Variants in AGBL4 observed in about 807,000 individuals in gnomAD.
AGBL4 encodes AGBL carboxypeptidase 4, also known as cytosolic carboxypeptidase 6.
A neutral mutation model predicts 66.4 loss-of-function variants in AGBL4; 58 were observed. That is an observed-to-expected ratio of 0.87 (90% CI 0.71 to 1.09). AGBL4 has a LOEUF of 1.09. Ranked by LOEUF, AGBL4 falls within the 50% of genes least tolerant of loss-of-function variation. AGBL4 has a pLI of 0.00. For missense variants in AGBL4, 579 were observed against 631.0 expected, an observed-to-expected ratio of 0.92 and a Z score of 0.88; for synonymous variants, 234 against 222.9, an observed-to-expected ratio of 1.05 and a Z score of -0.44.
chr1:48,582,858 C>T (rs1644760649), intron 11 of AGBL4, among the ~76,000 whole-genome samples: 1 of 152,108 alleles, frequency 6.6e-6, no homozygotes, highest in Admixed American at 6.6e-5. Flanking sequence ...AGAGCAAAAC[C>T]CTGGTCATGT....
intron 6 of AGBL4, among the ~76,000 whole-genome samples, chr1:48,693,643 C>T (rs541472063): frequency 6.6e-6 from 1 of 152,198 alleles, no homozygotes; most frequent in Non-Finnish European, 1.5e-5. Flanking sequence ...TGCACCCACA[C>T]TGTTCAACTT....
intron 3 of AGBL4, among the ~76,000 whole-genome samples, chr1:49,645,402 AAATT>A (rs1470059354): frequency 2.8e-5 from 3 of 105,354 alleles, no homozygotes; most frequent in South Asian, 2.8e-4. Flanking sequence ...TTATCAAAAA[AAATT>A]ATTATGACAA....
At chr1:48,522,842 C>T in the AGBL4 span, among the ~76,000 whole-genome samples, 1 of 151,662 alleles carries the variant, frequency 6.6e-6, no homozygotes, top group African/African-American at 2.4e-5. Context: ...AGAAGAATCG[C>T]TTGAACCTGG....
At chr1:48,546,864 A>AACAAACACAC (rs767539394) in intron 11 of AGBL4, among the ~76,000 whole-genome samples, 45 of 128,382 alleles carry the variant, frequency 3.5e-4, no homozygotes, top group Admixed American at 8.5e-4. Flanking sequence ...AAAACAAACA[A>AACAAACACAC]ACACACACAC....
intron 4 of AGBL4, among the ~76,000 whole-genome samples, chr1:49,149,715 G>A (rs961868198): frequency 6.6e-6 from 1 of 152,124 alleles, no homozygotes; most frequent in South Asian, 2.1e-4. Context: ...GAAGCATCAC[G>A]AGTAATGATG....
At chr1:49,542,918 A>AAC (rs1553223609) in intron 3 of AGBL4, among the ~76,000 whole-genome samples, 17 of 150,706 alleles carry the variant, frequency 1.1e-4, no homozygotes, top group African/African-American at 3.7e-4. Flanking sequence ...AAAAAAAAAA[A>AAC]AAAAAAACTC....
At chr1:49,573,676 G>T (rs1332001642) in intron 3 of AGBL4, among the ~76,000 whole-genome samples, 1 of 152,158 alleles carries the variant, frequency 6.6e-6, no homozygotes, top group Admixed American at 6.5e-5. Context: ...AGAAAGAGCT[G>T]AAACTGGAAA....
At chr1:49,721,285 A>G (rs1279068116) in intron 2 of AGBL4, among the ~76,000 whole-genome samples, 1 of 152,122 alleles carries the variant, frequency 6.6e-6, no homozygotes, top group Non-Finnish European at 1.5e-5. Context: ...CCCCTTCGAC[A>G]CTGTGGAAGC....
chr1:49,236,062 C>T (rs576194718), intron 4 of AGBL4, among the ~76,000 whole-genome samples: 2 of 151,892 alleles, frequency 1.3e-5, no homozygotes, highest in East Asian at 3.9e-4. Flanking sequence ...TGGAGTCTCA[C>T]TCTGTCACCC....
At chr1:49,043,281 T>C (rs1243988495) in intron 5 of AGBL4, among the ~76,000 whole-genome samples, 1 of 152,180 alleles carries the variant, frequency 6.6e-6, no homozygotes. Context: ...TCCTTTGTTC[T>C]CTGGATTCTG....
At chr1:49,208,035 A>G (rs904284536) in intron 4 of AGBL4, among the ~76,000 whole-genome samples, 3 of 152,100 alleles carry the variant, frequency 2.0e-5, no homozygotes, top group Non-Finnish European at 2.9e-5. Context: ...TAGAATACGT[A>G]GCTTGCTCCA....
chr1:49,676,948 T>C (rs750355890), intron 3 of AGBL4, among the ~76,000 whole-genome samples: 2 of 152,140 alleles, frequency 1.3e-5, no homozygotes, highest in Non-Finnish European at 2.9e-5. Context: ...ATGCCTAGTA[T>C]ATTGAGTGAT....
intron 9 of AGBL4, among the ~76,000 whole-genome samples, chr1:48,630,847 T>C (rs1645581861): frequency 6.6e-6 from 1 of 152,134 alleles, no homozygotes; most frequent in African/African-American, 2.4e-5. Context: ...TAAGACACCC[T>C]CTCAGGGCAG....
chr1:49,842,231 G>A (rs1282482750), intron 2 of AGBL4: 2 of 435,598 alleles, frequency 4.6e-6, no homozygotes, highest in African/African-American at 2.1e-5. Flanking sequence ...GCTGGAGCCT[G>A]CCCAGAGGGC....
In AGBL4 at chr1:48,652,722, A is replaced by T. The variant is rs187072540; in HGVS notation, c.839+615T>A. Among the ~76,000 whole-genome samples, 322 of 152,308 alleles carry T rather than the reference A, an allele frequency of 2.1e-3. 2 individuals carry two copies. Among genetic ancestry groups the T allele is most frequent in the African/African-American group, 7.5e-3 (312 of 41,576 alleles). Reference sequence around the variant, plus strand: ...AAATGAGTCGGTGTTTTTTTGGCAGATAATCTTCTGGGCAGTGGAATTTTA... The same window carrying T: ...AAATGAGTCGGTGTTTTTTTGGCAGTTAATCTTCTGGGCAGTGGAATTTTA... On this transcript the variant is annotated intron_variant, in intron 8 of 13. Coordinates refer to ENST00000371839, the MANE Select transcript of AGBL4 (RefSeq NM_032785.4).
intron 4 of AGBL4, among the ~76,000 whole-genome samples, chr1:49,059,586 C>G (rs1241740791): frequency 6.6e-6 from 1 of 152,188 alleles, no homozygotes; most frequent in East Asian, 1.9e-4. Context: ...CCTCCAGACT[C>G]CAGAATGGTA....
rs572019962 is a variant in AGBL4, at chr1:49,319,712, T to C, written c.283-73848A>G. Reference sequence around the variant, plus strand: ...GACTGAGTAATTTATAATGAACAGATATTTATTGGCTCACAGTTCAAATCA... The same window carrying C: ...GACTGAGTAATTTATAATGAACAGACATTTATTGGCTCACAGTTCAAATCA... On this transcript the variant is annotated intron_variant, in intron 3 of 13. Transcript: ENST00000371839. Among the ~76,000 whole-genome samples the C allele has an allele frequency of 1.7e-3, 266 of 152,282 alleles. 1 individual carries two copies. Among genetic ancestry groups the C allele is most frequent in the African/African-American group, 6.0e-3 (248 of 41,556 alleles).
At chr1:49,915,298 C>T (rs575685713) in intron 1 of AGBL4, among the ~76,000 whole-genome samples, 6 of 152,234 alleles carry the variant, frequency 3.9e-5, no homozygotes, top group African/African-American at 1.4e-4. Flanking sequence ...TTGCCTCACC[C>T]AGGAAGTGCA....
At chr1:49,550,525 G>A (rs1226757478) in intron 3 of AGBL4, among the ~76,000 whole-genome samples, 1 of 152,138 alleles carries the variant, frequency 6.6e-6, no homozygotes, top group Non-Finnish European at 1.5e-5. Flanking sequence ...GTATTTGTTT[G>A]TCTGAAAAAG....
Sources: gnomAD v4.1 joint callset for allele counts (sites outside exome capture counted in the v4.1 genomes callset) on GRCh38, gnomAD v4.1.1 for gene constraint, MANE v1.5 for transcripts, NCBI Gene and HGNC (gene_info 2026-07-23, HGNC 2026-07-21) for gene names.